RASGRF1: variants seen among roughly 807,000 people sequenced by gnomAD.
RASGRF1 encodes Ras protein specific guanine nucleotide releasing factor 1.
Under a neutral mutation model 138.7 loss-of-function variants are expected in RASGRF1, and 40 were observed. The observed-to-expected ratio is 0.29, with a 90% CI of 0.22 to 0.38. RASGRF1 has a LOEUF of 0.38. RASGRF1 is among the 10% of genes least tolerant of loss of function. The pLI, the probability that RASGRF1 is intolerant of heterozygous loss-of-function variation, is 1.00. For missense variants in RASGRF1, 1,108 were observed against 1,650.4 expected, an observed-to-expected ratio of 0.67 and a Z score of 5.69; for synonymous variants, 614 against 663.2, an observed-to-expected ratio of 0.93 and a Z score of 1.14.
Position 79,006,080 on chromosome 15 carries a change from C to A in RASGRF1, c.2075+106G>T. The A allele has an allele frequency of 6.7e-7, 1 of 1,494,160 alleles. No homozygotes were observed. The allele number at this position is 1,494,160 out of a possible 1,614,324, so 92.6% of individuals were successfully genotyped here. A position where few individuals can be genotyped will look rare whatever the true frequency, so the allele number is the denominator to read the frequency against. Reference sequence around the variant, plus strand: ...GCAGCACCCCAACACGTTACTGCTGCTCCTCCAGGGACCTTCCAGGTCACC... The same window carrying A: ...GCAGCACCCCAACACGTTACTGCTGATCCTCCAGGGACCTTCCAGGTCACC... On this transcript the variant is annotated intron_variant, in intron 14 of 26. Transcript: ENST00000558480. This position sits in a 1 kb window ranked among gnomAD's most constrained non-coding sequence, Gnocchi z 4.0.
chr15:79,054,621 C>T (rs1057396608), intron 3 of RASGRF1, among the ~76,000 whole-genome samples: 1 of 152,186 alleles, frequency 6.6e-6, no homozygotes, highest in African/African-American at 2.4e-5. Flanking sequence ...TTCTTGATGG[C>T]AGAAGCCTCC....
At chr15:78,996,931 G>A (rs1387648253) in intron 19 of RASGRF1, among the ~76,000 whole-genome samples, 1 of 152,328 alleles carries the variant, frequency 6.6e-6, no homozygotes, top group Admixed American at 6.5e-5. Context: ...GGGGAGGCTG[G>A]GGCCAGGCAA....
intron 20 of RASGRF1, among the ~76,000 whole-genome samples, chr15:78,993,928 C>T (rs2056334357): frequency 6.6e-6 from 1 of 152,196 alleles, no homozygotes; most frequent in Non-Finnish European, 1.5e-5. Flanking sequence ...CTTTTATAGG[C>T]TTTTGAAAAT....
Position 79,003,796 on chromosome 15 carries a change from A to G in RASGRF1, c.2449+6T>C. ...GGGGGGCAGCTCCGACGGCATGGCC[A>G]CTCACTCTGCTTGCTGAGCGCTGAA... is the stretch of plus-strand genomic sequence containing the variant. On this transcript the variant is annotated splice_donor_region_variant and intron_variant, in intron 15 of 26. Transcript: ENST00000558480. The G allele has an allele frequency of 6.3e-7, 1 of 1,580,626 alleles. No homozygotes were observed. The highest frequency in any genetic ancestry group is 8.6e-7 in the Non-Finnish European group (1 of 1,162,406).
At chr15:78,968,237 T>C (rs898558601) in intron 26 of RASGRF1, among the ~76,000 whole-genome samples, 2 of 146,652 alleles carry the variant, frequency 1.4e-5, no homozygotes, top group African/African-American at 5.1e-5. Context: ...CTTTTTTATT[T>C]TTCATGACAC....
chr15:79,065,978 G>C (rs1284006503), intron 1 of RASGRF1, among the ~76,000 whole-genome samples: 1 of 151,916 alleles, frequency 6.6e-6, no homozygotes, highest in Non-Finnish European at 1.5e-5. Context: ...TTGTTACAGA[G>C]TCAATGTCTG....
At position 79,027,638 on chromosome 15, in the gene RASGRF1, A is replaced by G; in HGVS notation, c.1381+103T>C. ...TGCAATCACATTGGCAGGTCTTGGC[A>G]TGTGGCAGCCAAACCAACTGGTGGC... On this transcript the variant is annotated intron_variant, in intron 9 of 26. Transcript: ENST00000558480. This position sits in a 1 kb window ranked among gnomAD's most constrained non-coding sequence, Gnocchi z 4.8. 1 of 989,030 alleles carries G rather than the reference A, an allele frequency of 1.0e-6. No homozygotes were observed. Among genetic ancestry groups the G allele is most frequent in the East Asian group, 2.4e-5 (1 of 41,492 alleles). 61.3% of individuals were successfully genotyped at this position (989,030 alleles called of 1,614,324 possible).
chr15:79,064,362 G>A (rs984448174), intron 2 of RASGRF1, 58 bp downstream of exon 2: 1 of 1,519,860 alleles, frequency 6.6e-7, no homozygotes. Flanking sequence ...CCTTGGGTCT[G>A]GTCTTTTCTG....
intron 14 of RASGRF1, chr15:79,005,712 G>A (rs2056655796): frequency 3.4e-6 from 3 of 895,024 alleles, no homozygotes; most frequent in Non-Finnish European, 4.0e-6. Flanking sequence ...AGGGGTAAGA[G>A]TCCTTTCTCC....
intron 10 of RASGRF1, among the ~76,000 whole-genome samples, chr15:79,023,582 G>A (rs2056996372): frequency 6.6e-6 from 1 of 152,180 alleles, no homozygotes; most frequent in Admixed American, 6.5e-5. Context: ...CAGGGGAGAG[G>A]AGGCTGTGTG....
intron 3 of RASGRF1, among the ~76,000 whole-genome samples, chr15:79,055,460 C>T (rs2057498515): frequency 6.6e-6 from 1 of 152,118 alleles, no homozygotes; most frequent in Non-Finnish European, 1.5e-5. Flanking sequence ...AAAGCTTTCC[C>T]AAGATGGTCC....
At chr15:79,035,267 G>C in intron 5 of RASGRF1, 57 bp from the exon 6 acceptor site, 1 of 1,448,774 alleles carries the variant, frequency 6.9e-7, no homozygotes, top group Non-Finnish European at 9.5e-7. Flanking sequence ...TGCTCCAGAG[G>C]TGACTGTCCC....
chr15:79,066,879 C>T (rs1335178541), intron 1 of RASGRF1, among the ~76,000 whole-genome samples: 5 of 152,110 alleles, frequency 3.3e-5, no homozygotes, highest in South Asian at 2.1e-4. Flanking sequence ...GGAAGCCGGC[C>T]GCAGGCTACC....
chr15:79,082,782 C>A (rs2057930352), intron 1 of RASGRF1, among the ~76,000 whole-genome samples: 1 of 152,184 alleles, frequency 6.6e-6, no homozygotes, highest in Non-Finnish European at 1.5e-5. Context: ...TTGCTTGGAC[C>A]TTTTCAGGAA....
intron 13 of RASGRF1, among the ~76,000 whole-genome samples, chr15:79,010,932 G>T (rs193034349): frequency 5.3e-5 from 8 of 152,292 alleles, no homozygotes; most frequent in African/African-American, 1.4e-4. Context: ...GAGTACTCGG[G>T]ACACGTGGGG....
chr15:79,089,437 C>T (rs745029), intron 1 of RASGRF1, among the ~76,000 whole-genome samples: 78,293 of 152,140 alleles, frequency 0.51, 22,352 homozygotes, highest in African/African-American at 0.77. Context: ...CCTGGCTCTT[C>T]AGCCTTGCAG....
intron 3 of RASGRF1, among the ~76,000 whole-genome samples, chr15:79,051,227 T>A (rs1303226851): frequency 6.6e-6 from 1 of 152,218 alleles, no homozygotes; most frequent in East Asian, 1.9e-4. Flanking sequence ...ATTGAGTGAA[T>A]CAAGCACTTT....
chr15:78,978,435 G>A (rs1241342132), intron 24 of RASGRF1: 19 of 803,358 alleles, frequency 2.4e-5, no homozygotes, highest in Admixed American at 1.9e-4. Flanking sequence ...ATGTTGGCAA[G>A]GTTGGTTTCT....
Position 79,025,417 on chromosome 15 carries a change from C to A in RASGRF1, c.1439G>T (p.Gly480Val), listed in dbSNP as rs1276154592. ...EKGKITRGRL[G>V]SLSLKKEGER... ...GCCCTCTTTCTTTAGGGAGAGAGAC[C>A]CCAGGCGCCCCCTGGTGATCTTGCC... The change falls in exon 10 of 27, where the codon GGG becomes GTG. Residue 480 changes from glycine to valine, a missense_variant. Physicochemically the swap from Gly to Val is moderately radical, Grantham distance 109. Around this residue, in one of 3 missense-constraint regions of RASGRF1, gnomAD observed 169 missense variants for 344.2 expected, o/e 0.49. Transcript: ENST00000558480. 6.2e-7 allele frequency: 1 copy of A among 1,613,776 alleles called. No homozygotes were observed. Among genetic ancestry groups the A allele is most frequent in the Non-Finnish European group, 8.5e-7 (1 of 1,179,892 alleles).
Sources: gnomAD v4.1 joint callset for allele counts (sites outside exome capture counted in the v4.1 genomes callset) on GRCh38, gnomAD v4.1.1 for gene constraint, gnomAD v4.1.1 regional missense constraint, Gnocchi (gnomAD v3.1) non-coding constraint, MANE v1.5 for transcripts, NCBI Gene and HGNC (gene_info 2026-07-23, HGNC 2026-07-21) for gene names.